Variants in ANK3 observed in about 807,000 individuals in gnomAD.
The protein encoded by ANK3 is ankyrin 3.
Under a neutral mutation model 370.9 loss-of-function variants are expected in ANK3, and 57 were observed. The observed-to-expected ratio is 0.15, with a 90% CI of 0.12 to 0.19. The LOEUF (loss-of-function observed/expected upper bound fraction) is 0.19, where lower values mean the gene tolerates loss of function less well. Among genes scored for constraint, ANK3 ranks in the 10% least tolerant of loss-of-function variants. The pLI is 1.00. For missense variants in ANK3, 4,439 were observed against 5,302.1 expected (o/e 0.84, Z 5.06); for synonymous variants, 1,929 against 1,946.3 (o/e 0.99, Z 0.23).
At chr10:60,246,119 G>T (rs1289728943) in intron 7 of ANK3, among the ~76,000 whole-genome samples, 1 of 151,994 alleles carries the variant, frequency 6.6e-6, no homozygotes, top group East Asian at 1.9e-4. Flanking sequence ...AGCCAGGCAT[G>T]GTGGTGTGTG....
chr10:60,266,695 T>A (rs538587116), intron 5 of ANK3, among the ~76,000 whole-genome samples: 1 of 152,198 alleles, frequency 6.6e-6, no homozygotes, highest in Non-Finnish European at 1.5e-5. Context: ...GACACAAAGA[T>A]ACCAGCTCTA....
chr10:60,388,614 C>G (rs1219344506), intron 1 of ANK3, among the ~76,000 whole-genome samples: 5 of 152,144 alleles, frequency 3.3e-5, no homozygotes, highest in African/African-American at 1.2e-4. Context: ...ACTCTAAGTA[C>G]TCACGGGCTA....
At chr10:60,679,731 G>A (rs542034594) in intron 1 of ANK3, among the ~76,000 whole-genome samples, 1 of 152,256 alleles carries the variant, frequency 6.6e-6, no homozygotes, top group South Asian at 2.1e-4. Context: ...GTCAAGGGTT[G>A]GACAGCGCAC....
intron 1 of ANK3, among the ~76,000 whole-genome samples, chr10:60,304,716 G>C (rs1056265453): frequency 6.6e-6 from 1 of 152,020 alleles, no homozygotes; most frequent in African/African-American, 2.4e-5. Context: ...TATAAAGATG[G>C]AAAAAATATT....
chr10:60,625,393 A>C (rs2078395332), intron 1 of ANK3, among the ~76,000 whole-genome samples: 1 of 152,172 alleles, frequency 6.6e-6, no homozygotes, highest in Admixed American at 6.5e-5. Context: ...AATATAATTC[A>C]CCTACATCAT....
intron 1 of ANK3, among the ~76,000 whole-genome samples, chr10:60,659,740 T>C (rs10821820): frequency 0.33 from 50,527 of 151,888 alleles, 8,965 homozygotes; most frequent in South Asian, 0.56. Context: ...ATATAAAATC[T>C]GTGGGGAAAA....
chr10:60,669,238 A>G (rs1227603221), intron 1 of ANK3, among the ~76,000 whole-genome samples: 1 of 152,198 alleles, frequency 6.6e-6, no homozygotes, highest in African/African-American at 2.4e-5. Context: ...TTCGCTTCTG[A>G]CAAATGTCGG....
At chr10:60,633,281 C>T (rs554761435) in intron 1 of ANK3, among the ~76,000 whole-genome samples, 1 of 152,044 alleles carries the variant, frequency 6.6e-6, no homozygotes, top group South Asian at 2.1e-4. Context: ...AATAATTGCA[C>T]ATTAAATAAT....
intron 1 of ANK3, among the ~76,000 whole-genome samples, chr10:60,334,212 C>G (rs2052202495): frequency 1.3e-5 from 2 of 152,134 alleles, no homozygotes; most frequent in South Asian, 4.1e-4. Context: ...TTTACCAACA[C>G]TTAATACAAT....
At chr10:60,238,333 T>C (rs1322334357) in intron 7 of ANK3, among the ~76,000 whole-genome samples, 1 of 152,218 alleles carries the variant, frequency 6.6e-6, no homozygotes. Flanking sequence ...CCTCATTTAC[T>C]GCTGGTGAAA....
intron 1 of ANK3, among the ~76,000 whole-genome samples, chr10:60,641,532 AG>A (rs1340997019): frequency 6.6e-6 from 1 of 151,520 alleles, no homozygotes; most frequent in Non-Finnish European, 1.5e-5. Context: ...CAATGGGGAA[AG>A]GATTCCCTAT....
intron 1 of ANK3, among the ~76,000 whole-genome samples, chr10:60,719,699 A>T (rs1028814107): frequency 1.3e-5 from 2 of 152,120 alleles, no homozygotes; most frequent in African/African-American, 4.8e-5. Flanking sequence ...TCTTCACAAT[A>T]TGTACAAGTT....
intron 17 of ANK3, among the ~76,000 whole-genome samples, chr10:60,184,626 G>A (rs994391712): frequency 6.6e-6 from 1 of 152,120 alleles, no homozygotes; most frequent in African/African-American, 2.4e-5. Context: ...ATGTCTTTGA[G>A]TCTTTAGAAT....
intron 25 of ANK3, among the ~76,000 whole-genome samples, chr10:60,120,686 A>G (rs1049184442): frequency 6.6e-6 from 1 of 152,242 alleles, no homozygotes; most frequent in African/African-American, 2.4e-5. Context: ...TCTCAAAAGA[A>G]GACATACAAA....
At chr10:60,599,842 G>T (rs1255976750) in intron 2 of ANK3, among the ~76,000 whole-genome samples, 3 of 152,090 alleles carry the variant, frequency 2.0e-5, no homozygotes, top group Non-Finnish European at 4.4e-5. Flanking sequence ...CATGGACAAG[G>T]CCCTGCCTTC....
At chr10:60,238,744 A>G (rs2097372220) in intron 7 of ANK3, among the ~76,000 whole-genome samples, 1 of 152,150 alleles carries the variant, frequency 6.6e-6, no homozygotes. Flanking sequence ...GAAGCCTGAA[A>G]CAAAATGTAA....
chr10:60,175,622 T>C (rs1294077351), intron 18 of ANK3, among the ~76,000 whole-genome samples: 1 of 151,824 alleles, frequency 6.6e-6, no homozygotes, highest in Admixed American at 6.5e-5. Flanking sequence ...CATCCGAGTC[T>C]TTAACAGCAT....
At chr10:60,394,513 A>C (rs906804056), upstream of ANK3, among the ~76,000 whole-genome samples, 2 of 152,010 alleles carry the variant, frequency 1.3e-5, no homozygotes, top group South Asian at 2.1e-4. Flanking sequence ...CTGGAGAGAG[A>C]GCCAGCTGGT....
At chr10:60,108,052 C>A in intron 27 of ANK3, 1 of 250,754 alleles carries the variant, frequency 4.0e-6, no homozygotes, top group Non-Finnish European at 7.9e-6. Context: ...CACACATCAA[C>A]TGAAAGCATT....
Sources: allele counts gnomAD v4.1 joint callset (sites outside exome capture counted in the v4.1 genomes callset), GRCh38; gene constraint gnomAD v4.1.1; transcripts MANE v1.5; gene names NCBI Gene and HGNC (gene_info 2026-07-23, HGNC 2026-07-21).